The following CRKL variants were observed in gnomAD, a reference collection of about 807,000 sequenced individuals.
CRKL encodes the protein crk-like protein.
CRKL carries 3 observed loss-of-function variants against 23.0 expected under a neutral mutation model. That is an observed-to-expected ratio of 0.13 (90% CI 0.06 to 0.34). CRKL has a LOEUF of 0.34. Among genes scored for constraint, CRKL ranks in the 10% least tolerant of loss-of-function variants. The pLI, the probability that CRKL is intolerant of heterozygous loss-of-function variation, is 1.00. For synonymous variants in CRKL, 188 were observed against 160.7 expected, an observed-to-expected ratio of 1.17 and a Z score of -1.28; for missense variants, 256 against 394.5, an observed-to-expected ratio of 0.65 and a Z score of 2.97.
intron 1 of CRKL, among the ~76,000 whole-genome samples, chr22:20,922,626 TTTTATC>T (rs371410334): frequency 1.6e-3 from 247 of 152,256 alleles, no homozygotes; most frequent in African/African-American, 5.4e-3. Context: ...TCTTCTGTGT[TTTTATC>T]TTTAACTGCT....
At chr22:20,931,766 C>T (rs1921460790) in intron 1 of CRKL, among the ~76,000 whole-genome samples, 1 of 152,164 alleles carries the variant, frequency 6.6e-6, no homozygotes, top group South Asian at 2.1e-4. Flanking sequence ...TATTATTACT[C>T]TTGCTCCTAC....
At chr22:20,926,985 G>C (rs918139731) in intron 1 of CRKL, among the ~76,000 whole-genome samples, 1 of 151,160 alleles carries the variant, frequency 6.6e-6, no homozygotes, top group Non-Finnish European at 1.5e-5. Context: ...GGTGGCGTGC[G>C]CCTATAGTCC....
Position 20,952,332 on chromosome 22 carries a change from G to A in CRKL, c.*2487G>A, listed in dbSNP as rs1922309667. On this transcript the variant is annotated 3_prime_UTR_variant, in exon 3 of 3. Coordinates refer to ENST00000354336, the MANE Select transcript of CRKL (RefSeq NM_005207.4). ...CACTTCAGAATCAGATATACCTAGA[G>A]TATACCTGTGGTTTGGTTTTATAAT... is the stretch of plus-strand genomic sequence containing the variant. 1 of 229,606 alleles carries A rather than the reference G, an allele frequency of 4.4e-6. No individual in the cohort carries two copies. Among genetic ancestry groups the A allele is most frequent in the African/African-American group, 2.2e-5 (1 of 45,102 alleles). 14.2% of individuals were successfully genotyped at this position (229,606 alleles called of 1,614,324 possible).
chr22:20,951,199 G>A lies in CRKL; in HGVS notation c.*1354G>A. 1 of 232,556 alleles carries A rather than the reference G, an allele frequency of 4.3e-6. No homozygotes were observed. Among genetic ancestry groups the A allele is most frequent in the African/African-American group, 2.2e-5 (1 of 45,434 alleles). 14.4% of individuals were successfully genotyped at this position (232,556 alleles called of 1,614,324 possible). A position where few individuals can be genotyped will look rare whatever the true frequency, so the allele number is the denominator to read the frequency against. On this transcript the variant is annotated 3_prime_UTR_variant, in exon 3 of 3. Coordinates refer to ENST00000354336, the MANE Select transcript of CRKL (RefSeq NM_005207.4). ...CACTCACTGAAGCCCAGACCTCCGT[G>A]CCCAGGCCCAATCTCGTCAGGCTGC...
chr22:20,947,976 G>A (rs902181716), intron 2 of CRKL, among the ~76,000 whole-genome samples: 6 of 152,242 alleles, frequency 3.9e-5, no homozygotes, highest in Middle Eastern at 3.4e-3. Context: ...GAGCCACTGC[G>A]CCCGGCCACT....
intron 1 of CRKL, among the ~76,000 whole-genome samples, chr22:20,925,396 TG>T (rs750471631): frequency 5.9e-5 from 9 of 152,004 alleles, no homozygotes; most frequent in Non-Finnish European, 1.2e-4. Context: ...CCCAGCACTT[TG>T]GGAGGTCTGG....
intron 1 of CRKL, among the ~76,000 whole-genome samples, chr22:20,921,061 C>T (rs1257952451): frequency 5.3e-5 from 8 of 152,194 alleles, no homozygotes; most frequent in Non-Finnish European, 8.8e-5. Flanking sequence ...TTAGGTTTAA[C>T]ATGTTATTAG....
At chr22:20,928,140 G>C (rs1921299604) in intron 1 of CRKL, among the ~76,000 whole-genome samples, 1 of 152,078 alleles carries the variant, frequency 6.6e-6, no homozygotes, top group Admixed American at 6.6e-5. Flanking sequence ...CTGGGCAATA[G>C]AGTGAGACTC....
At position 20,953,258 on chromosome 22, in the gene CRKL, C is replaced by T. The variant is rs542447269; in HGVS notation, c.*3413C>T. ...ACCACTGAGCTCTGCCTCAACTCCA[C>T]CCTCTGCGACCGGAGGACTATGCCC... On this transcript the variant is annotated 3_prime_UTR_variant, in exon 3 of 3. Coordinates refer to ENST00000354336, the MANE Select transcript of CRKL (RefSeq NM_005207.4). 208 of 231,494 alleles carry T rather than the reference C, an allele frequency of 9.0e-4. No individual in the cohort carries two copies. The highest frequency in any genetic ancestry group is 4.2e-3 in the African/African-American group (191 of 45,246). The allele number at this position is 231,494 out of a possible 1,614,324, so 14.3% of individuals were successfully genotyped here. A position where few individuals can be genotyped will look rare whatever the true frequency, so the allele number is the denominator to read the frequency against.
rs1929760946 is a variant in CRKL, at chr22:20,918,200, A to G, written c.266A>G (p.Lys89Arg). 6.2e-7 allele frequency: 1 copy of G among 1,613,970 alleles called. No individual in the cohort carries two copies. The stretch of plus-strand genomic sequence containing the variant: ...TTGCCGGCCCTGCTGGAGTTTTACA[A>G]GATCCACTACCTGGACACCACCACC... The part of the protein sequence containing the change: ...DHLPALLEFY[K>R]IHYLDTTTLI... Residue 89 changes from lysine (K) to arginine (R), a missense_variant, in exon 1 of 3, where the codon AAG (lysine) becomes AGG (arginine). By Grantham distance (26) the Lys-to-Arg change is conservative. Around this residue, in one of 3 missense-constraint regions of CRKL, gnomAD observed 85 missense variants for 139.8 expected, o/e 0.61. Coordinates refer to ENST00000354336, the MANE Select transcript of CRKL (RefSeq NM_005207.4).
intron 1 of CRKL, among the ~76,000 whole-genome samples, chr22:20,921,432 C>T (rs776040278): frequency 6.6e-6 from 1 of 151,510 alleles, no homozygotes; most frequent in Non-Finnish European, 1.5e-5. Context: ...GTGTGACAGA[C>T]ATACTTTCTT....
In CRKL at chr22:20,950,878, A is replaced by G. The variant is rs1425322279; in HGVS notation, c.*1033A>G. The G allele has an allele frequency of 4.3e-6, 1 of 231,722 alleles. No individual in the cohort carries two copies. Among genetic ancestry groups the G allele is most frequent in the Non-Finnish European group, 8.5e-6 (1 of 117,190 alleles). The allele number at this position is 231,722 out of a possible 1,614,324, so 14.4% of individuals were successfully genotyped here. ...CTTTATTGTCTTGGTTGCCAGTAGT[A>G]CCTTGTTTTGCCATGTAGCAGACAA... On this transcript the variant is annotated 3_prime_UTR_variant, in exon 3 of 3. Transcript: ENST00000354336.
chr22:20,922,638 C>A (rs1019840643), intron 1 of CRKL, among the ~76,000 whole-genome samples: 7 of 152,034 alleles, frequency 4.6e-5, no homozygotes, highest in African/African-American at 1.7e-4. Flanking sequence ...TTATCTTTAA[C>A]TGCTTTTTGT....
chr22:20,934,878 A>G (rs918314938), intron 2 of CRKL, among the ~76,000 whole-genome samples: 4 of 139,224 alleles, frequency 2.9e-5, no homozygotes, highest in African/African-American at 1.1e-4. Flanking sequence ...CAGTGGCTCA[A>G]TCTCCGCTCA....
Position 20,933,857 on chromosome 22 carries a change from T to C in CRKL, c.390T>C (p.Thr130=). Reference sequence around the variant, plus strand: ...AAGATAACCTGGAATATGTACGGACTCTGTATGATTTTCCTGGGAATGATG... The same window carrying C: ...AAGATAACCTGGAATATGTACGGACCCTGTATGATTTTCCTGGGAATGATG... ...TAEDNLEYVR[T]LYDFPGNDAE... is the part of the protein sequence containing the mutation. The change falls in exon 2 of 3, where the codon ACT becomes ACC. Residue 130 remains threonine (T), a synonymous_variant. Coordinates refer to ENST00000354336, the MANE Select transcript of CRKL (RefSeq NM_005207.4). 1 of 1,614,110 alleles carries C rather than the reference T, an allele frequency of 6.2e-7. No homozygotes were observed. The highest frequency in any genetic ancestry group is 8.5e-7 in the Non-Finnish European group (1 of 1,180,028).
At chr22:20,919,814 A>G (rs1920971242) in intron 1 of CRKL, among the ~76,000 whole-genome samples, 1 of 152,166 alleles carries the variant, frequency 6.6e-6, no homozygotes, top group Non-Finnish European at 1.5e-5. Context: ...TGAGGACACC[A>G]ACTGTTTGCA....
chr22:20,947,540 G>A (rs1289095153), intron 2 of CRKL, among the ~76,000 whole-genome samples: 1 of 150,764 alleles, frequency 6.6e-6, no homozygotes, highest in Admixed American at 6.6e-5. Flanking sequence ...AGGTTTTGCC[G>A]TGTTGGCCAT....
chr22:20,918,651 G>A (rs1312498850), intron 1 of CRKL, among the ~76,000 whole-genome samples: 1 of 147,848 alleles, frequency 6.8e-6, no homozygotes, highest in Non-Finnish European at 1.5e-5. Flanking sequence ...GAGTGCAGTG[G>A]TGCGATCTCG....
Position 20,953,364 on chromosome 22 carries a change from G to A in CRKL, c.*3519G>A, listed in dbSNP as rs1030515198. ...AAGGACAGGTCTCTGAGACAGGATC[G>A]TTGTCCCTACAGGAGGAACAGTGGC... On this transcript the variant is annotated 3_prime_UTR_variant, in exon 3 of 3. Coordinates refer to ENST00000354336, the MANE Select transcript of CRKL (RefSeq NM_005207.4). 3.0e-5 allele frequency: 7 copies of A among 230,760 alleles called. No individual in the cohort carries two copies. Among genetic ancestry groups the A allele is most frequent in the Middle Eastern group, 1.3e-3 (1 of 764 alleles). The allele number at this position is 230,760 out of a possible 1,614,324, so 14.3% of individuals were successfully genotyped here. A position where few individuals can be genotyped will look rare whatever the true frequency, so the allele number is the denominator to read the frequency against.
Sources: allele counts gnomAD v4.1 joint callset (sites outside exome capture counted in the v4.1 genomes callset), GRCh38; gene constraint gnomAD v4.1.1; regional missense constraint gnomAD v4.1.1; transcripts MANE v1.5; gene names NCBI Gene and HGNC (gene_info 2026-07-23, HGNC 2026-07-21).